Variants in ELP2 observed in about 807,000 individuals in gnomAD.
ELP2 encodes elongator complex protein 2.
In ELP2, 90 loss-of-function variants were observed where a neutral mutation model predicts 119.2. That is an observed-to-expected ratio of 0.75 (90% CI 0.64 to 0.90). ELP2 has a LOEUF of 0.90. ELP2 is among the 40% of genes least tolerant of loss of function. The pLI, the probability that ELP2 is intolerant of heterozygous loss-of-function variation, is 0.00. For missense variants in ELP2, 921 were observed against 967.8 expected (o/e 0.95, Z 0.64); for synonymous variants, 339 against 331.0 (o/e 1.02, Z -0.26).
chr18:36,153,511 C>T (rs1598790055), intron 11 of ELP2, among the ~76,000 whole-genome samples: 1 of 152,150 alleles, frequency 6.6e-6, no homozygotes, highest in Non-Finnish European at 1.5e-5. Context: ...GCAGCAGACA[C>T]CAGCTGGGTG....
chr18:36,136,542 T>C (rs2089833147), intron 3 of ELP2, 165 bp downstream of exon 3: 1 of 653,224 alleles, frequency 1.5e-6, no homozygotes. Flanking sequence ...CATGCCTGGC[T>C]GATTTCTGTT....
At chr18:36,158,976 TCTAC>T (rs1402437644) in intron 14 of ELP2, 72 bp downstream of exon 14, 5 of 1,045,228 alleles carry the variant, frequency 4.8e-6, no homozygotes, top group South Asian at 2.6e-5. Context: ...TTGTGTAATG[TCTAC>T]CTAATGTTTG....
At chr18:36,155,482 G>A (rs2090545150) in intron 12 of ELP2, among the ~76,000 whole-genome samples, 1 of 152,156 alleles carries the variant, frequency 6.6e-6, no homozygotes, top group African/African-American at 2.4e-5. Flanking sequence ...AACAAGTGCT[G>A]GTAAGGATGC....
chr18:36,180,357 C>T lies in ELP2; in HGVS notation c.*5716C>T, dbSNP rs2091307307. On this transcript the variant is annotated 3_prime_UTR_variant, in exon 22 of 22. Transcript: ENST00000358232. ...GAAATTAAATCTTTATTGCAGATGC[C>T]CATGTGCTCAGCAGAGAACTGGGGT... is the stretch of plus-strand genomic sequence containing the variant. 6.6e-6 allele frequency: 1 copy of T among 152,132 alleles called. No homozygotes were observed. The highest frequency in any genetic ancestry group is 2.1e-4 in the South Asian group (1 of 4,828). 9.4% of individuals were successfully genotyped at this position (152,132 alleles called of 1,614,324 possible). A position where few individuals can be genotyped will look rare whatever the true frequency, so the allele number is the denominator to read the frequency against.
intron 14 of ELP2, 80 bp from the exon 15 acceptor site, chr18:36,159,655 A>G (rs1568011868): frequency 4.9e-6 from 5 of 1,025,106 alleles, no homozygotes; most frequent in East Asian, 2.4e-5. Flanking sequence ...ACTGCTTTCT[A>G]TGTGGTGGCC....
chr18:36,172,019 C>A (rs562956478), intron 21 of ELP2, among the ~76,000 whole-genome samples: 3 of 152,234 alleles, frequency 2.0e-5, no homozygotes, highest in Non-Finnish European at 2.9e-5. Context: ...TGTGCCTGGC[C>A]CACATTTTAT....
At chr18:36,143,145 G>A (rs1035323011) in intron 8 of ELP2, among the ~76,000 whole-genome samples, 179 bp downstream of exon 8, 3 of 151,650 alleles carry the variant, frequency 2.0e-5, no homozygotes. Context: ...ACCTCGGCTG[G>A]AGTGCAGTGG....
Position 36,130,050 on chromosome 18 carries a change from C to T in ELP2, c.117C>T (p.Ser39=). 6.2e-7 allele frequency: 1 copy of T among 1,614,190 alleles called. No individual in the cohort carries two copies. Among genetic ancestry groups the T allele is most frequent in the Non-Finnish European group, 8.5e-7 (1 of 1,180,038 alleles). Residue 39 remains serine (S), a synonymous_variant, in exon 1 of 22, where the codon TCC becomes TCT. Transcript: ENST00000358232. ...TTCTGGCCTTTGGCACGTCCTGCTC[C>T]GTGGTGCTCTATGACCCCCTGGTAA... ...RGLLAFGTSC[S]VVLYDPLKRV...
chr18:36,168,246 T>G (rs564553790), intron 19 of ELP2, among the ~76,000 whole-genome samples: 1 of 152,322 alleles, frequency 6.6e-6, no homozygotes, highest in South Asian at 2.1e-4. Context: ...ACTTTACATC[T>G]CAGACCCTCC....
chr18:36,143,840 A>G (rs1413089458), intron 8 of ELP2, among the ~76,000 whole-genome samples: 6 of 152,254 alleles, frequency 3.9e-5, no homozygotes, highest in Non-Finnish European at 8.8e-5. Flanking sequence ...TTTGTAAAAT[A>G]TTACTAAATT....
intron 3 of ELP2, 144 bp downstream of exon 3, chr18:36,136,521 G>T: frequency 1.4e-6 from 1 of 723,644 alleles, no homozygotes; most frequent in Non-Finnish European, 2.5e-6. Context: ...GGGACTACAG[G>T]TGCCTGACAC....
intron 11 of ELP2, 121 bp from the exon 12 acceptor site, chr18:36,154,729 G>A: frequency 3.9e-6 from 4 of 1,029,538 alleles, no homozygotes; most frequent in South Asian, 2.6e-5. Flanking sequence ...ATCCGATCTT[G>A]TATACTTAGC....
intron 3 of ELP2, 71 bp from the exon 4 acceptor site, chr18:36,138,199 A>G: frequency 6.5e-7 from 1 of 1,543,054 alleles, no homozygotes; most frequent in South Asian, 1.1e-5. Flanking sequence ...TTATTGGCAC[A>G]TTTATCCAAT....
rs1258662816 is a variant in ELP2 at position 36,176,037 on chromosome 18, A to G, written c.*1396A>G. 6.6e-6 allele frequency: 1 copy of G among 152,194 alleles called. No individual in the cohort carries two copies. The highest frequency in any genetic ancestry group is 1.5e-5 in the Non-Finnish European group (1 of 68,040). The allele number at this position is 152,194 out of a possible 1,614,324, so 9.4% of individuals were successfully genotyped here. ...ATATGTAATTTTAAAATTTTCAAGT[A>G]GCCACATAATAAAGGAAACAGGTGA... On this transcript the variant is annotated 3_prime_UTR_variant, in exon 22 of 22. Coordinates refer to ENST00000358232, the MANE Select transcript of ELP2 (RefSeq NM_018255.4).
intron 8 of ELP2, among the ~76,000 whole-genome samples, chr18:36,144,207 T>C (rs970104259): frequency 6.6e-6 from 1 of 152,206 alleles, no homozygotes; most frequent in African/African-American, 2.4e-5. Context: ...TAGGAGTAGC[T>C]ATACCCAAAT....
At chr18:36,148,979 A>G (rs2090301125) in intron 11 of ELP2, among the ~76,000 whole-genome samples, 1 of 152,226 alleles carries the variant, frequency 6.6e-6, no homozygotes, top group Admixed American at 6.5e-5. Flanking sequence ...GATTTCCTTC[A>G]ATCTTGTCAG....
chr18:36,144,362 T>C (rs2090132841), intron 8 of ELP2, among the ~76,000 whole-genome samples: 1 of 152,326 alleles, frequency 6.6e-6, no homozygotes, highest in African/African-American at 2.4e-5. Flanking sequence ...CAAGACTGGG[T>C]AATTTGTAAG....
In ELP2 at chr18:36,177,107, G is replaced by C; in HGVS notation, c.*2466G>C. 6.6e-6 allele frequency: 1 copy of C among 152,166 alleles called. No homozygotes were observed. Among genetic ancestry groups the C allele is most frequent in the South Asian group, 2.1e-4 (1 of 4,820 alleles). 9.4% of individuals were successfully genotyped at this position (152,166 alleles called of 1,614,324 possible). On this transcript the variant is annotated 3_prime_UTR_variant, in exon 22 of 22. Transcript: ENST00000358232. ...TGTTTGAGGGAAGTTACTGTGGTCT[G>C]TAACTTATGAAATACATAAAAAATA...
At chr18:36,171,311 A>T (rs2091075258) in intron 21 of ELP2, 151 bp downstream of exon 21, 1 of 676,260 alleles carries the variant, frequency 1.5e-6, no homozygotes, top group South Asian at 1.6e-5. Flanking sequence ...AAATTGATAC[A>T]TGTGGTAATC....
Sources: gnomAD v4.1 joint callset for allele counts (sites outside exome capture counted in the v4.1 genomes callset) on GRCh38, gnomAD v4.1.1 for gene constraint, MANE v1.5 for transcripts, NCBI Gene and HGNC (gene_info 2026-07-23, HGNC 2026-07-21) for gene names.